TRIM49B: variants seen among roughly 807,000 people sequenced by gnomAD.
TRIM49B encodes the protein tripartite motif containing 49B.
In TRIM49B, 18 loss-of-function variants were observed where a neutral mutation model predicts 31.8. The observed-to-expected ratio is 0.57, with a 90% CI of 0.39 to 0.84. The LOEUF is 0.84. TRIM49B is among the 40% of genes least tolerant of loss of function. The pLI is 0.00. For synonymous variants in TRIM49B, 196 were observed against 180.6 expected, an observed-to-expected ratio of 1.09 and a Z score of -0.68; for missense variants, 494 against 538.7, an observed-to-expected ratio of 0.92 and a Z score of 0.82.
chr11:49,035,549 CG>C (rs1424456875), intron 5 of TRIM49B, among the ~76,000 whole-genome samples: 1 of 151,524 alleles, frequency 6.6e-6, no homozygotes, highest in Non-Finnish European at 1.5e-5. Context: ...TTAGTAGAGA[CG>C]GGGTTCACCA....
chr11:49,037,487 C>T lies in TRIM49B; in HGVS notation c.869C>T (p.Thr290Ile). ...DRLNQFRVHI[T>I]LHHEEANSDI... is the part of the protein sequence containing the mutation. ...TCTCTTTTTTTTGCAGTGCATATTA[C>T]TCTGCATCATGAAGAAGCCAACAGT... Residue 290 changes from threonine to isoleucine, a missense_variant, in exon 7 of 7, where the codon ACT becomes ATT. Transcript: ENST00000332682. 1 of 1,613,884 alleles carries T rather than the reference C, an allele frequency of 6.2e-7. No individual in the cohort carries two copies. The highest frequency in any genetic ancestry group is 8.5e-7 in the Non-Finnish European group (1 of 1,179,900).
At chr11:49,031,559 C>T (rs750513454) in intron 1 of TRIM49B, 37 bp from the exon 2 acceptor site, 3 of 1,608,576 alleles carry the variant, frequency 1.9e-6, no homozygotes, top group Admixed American at 1.7e-5. Context: ...TTCATCAACC[C>T]AGGCCCCAAA....
chr11:49,035,453 G>A (rs1004239764), intron 5 of TRIM49B, among the ~76,000 whole-genome samples: 6 of 139,228 alleles, frequency 4.3e-5, no homozygotes, highest in East Asian at 4.7e-4. Flanking sequence ...TCCGCCTCCC[G>A]GGTTCACACC....
In TRIM49B at chr11:49,035,077, T is replaced by TTG; in HGVS notation, c.739-17_739-16insGT. ...CTTGTGAAATGCACTAAATCTCTCT[T>TTG]TTTTTTTTTTTTTTCAGGCTTTTGG... On this transcript the variant is annotated splice_polypyrimidine_tract_variant and intron_variant, in intron 4 of 6. Transcript: ENST00000332682. 2.2e-6 allele frequency: 2 copies of TTG among 905,460 alleles called. No homozygotes were observed. Among genetic ancestry groups the TTG allele is most frequent in the Non-Finnish European group, 3.0e-6 (2 of 658,958 alleles). 56.1% of individuals were successfully genotyped at this position (905,460 alleles called of 1,614,324 possible).
At position 49,032,341 on chromosome 11, in the gene TRIM49B, T is replaced by C; in HGVS notation, c.477T>C (p.Asn159=). 2 of 1,613,308 alleles carry C rather than the reference T, an allele frequency of 1.2e-6. No individual in the cohort carries two copies. Among genetic ancestry groups the C allele is most frequent in the East Asian group, 2.2e-5 (1 of 44,832 alleles). The part of the protein sequence containing the change: ...EKACENHRNL[N]VETTRTRCWK... ...CTTGTGAAAATCACAGAAACCTGAATGTGGAAACCACCAGAACCAGATGCT... is the reference window on the plus strand; with the variant it reads ...CTTGTGAAAATCACAGAAACCTGAACGTGGAAACCACCAGAACCAGATGCT... Residue 159 remains asparagine (N), a synonymous_variant, in exon 3 of 7, where the codon AAT becomes AAC. Coordinates refer to ENST00000332682, the MANE Select transcript of TRIM49B (RefSeq NM_001206626.2).
In TRIM49B at chr11:49,031,651, T is replaced by C. The variant is rs750561410; in HGVS notation, c.52T>C (p.Cys18Arg). 3 of 1,614,000 alleles carry C rather than the reference T, an allele frequency of 1.9e-6. No homozygotes were observed. The East Asian group carries it at 6.7e-5, about 36-fold the overall frequency. Residue 18 changes from cysteine (C) to arginine (R), a missense_variant, in exon 2 of 7, where the codon TGC becomes CGC. Around this residue, in one of 3 missense-constraint regions of TRIM49B, gnomAD observed 251 missense variants for 232.8 expected, o/e 1.08. Transcript: ENST00000332682. ...TCAGAGGGAACTCATCTGCCCCATC[T>C]GCATGAACTACTTCATAGACCCGGT... ...VFQRELICPI[C>R]MNYFIDPVTI...
At chr11:49,029,482 A>G (rs576950237) in intron 1 of TRIM49B, among the ~76,000 whole-genome samples, 70 of 152,368 alleles carry the variant, frequency 4.6e-4, no homozygotes, top group African/African-American at 1.7e-3. Flanking sequence ...AAGTAAATTT[A>G]TAATACCTAA....
Position 49,037,937 on chromosome 11 carries a change from C to T in TRIM49B, c.1319C>T (p.Ser440Leu). The T allele has an allele frequency of 1.9e-6, 3 of 1,612,844 alleles. No homozygotes were observed. The highest frequency in any genetic ancestry group is 1.7e-6 in the Non-Finnish European group (2 of 1,179,478). Residue 440 changes from serine (S) to leucine (L), a missense_variant, in exon 7 of 7, where the codon TCA (serine) becomes TTA (leucine). Around this residue, in one of 3 missense-constraint regions of TRIM49B, gnomAD observed 233 missense variants for 281.4 expected, o/e 0.83. Transcript: ENST00000332682. ...TACACCATCCCTAATTGCTCTTTCT[C>T]ACCTCCTCTCAGGCCTATCTTTTGC... is the stretch of plus-strand genomic sequence containing the variant. ...LIYTIPNCSF[S>L]PPLRPIFCCI...
rs1460189768 is a variant in TRIM49B, at chr11:49,031,832, G to A, written c.233G>A (p.Arg78Lys). The change falls in exon 2 of 7, where the codon AGA becomes AAA. Residue 78 changes from arginine to lysine, a missense_variant. Arg to Lys is a conservative substitution (Grantham distance 26). Around this residue, in one of 3 missense-constraint regions of TRIM49B, gnomAD observed 251 missense variants for 232.8 expected, o/e 1.08. Coordinates refer to ENST00000332682, the MANE Select transcript of TRIM49B (RefSeq NM_001206626.2). ...IHFKKMASLA[R>K]KVSLWLFLSS... ...TTCAAGAAGATGGCTTCTCTTGCTA[G>A]AAAAGTCAGTCTCTGGCTATTCCTG... The A allele has an allele frequency of 1.2e-6, 2 of 1,613,974 alleles. No individual in the cohort carries two copies. The highest frequency in any genetic ancestry group is 1.7e-6 in the Non-Finnish European group (2 of 1,179,874).
intron 2 of TRIM49B, 51 bp from the exon 3 acceptor site, chr11:49,032,225 C>G: frequency 6.8e-7 from 1 of 1,462,100 alleles, no homozygotes; most frequent in South Asian, 1.2e-5. Context: ...TCTGGGGCCC[C>G]TCCCTATGTC....
At position 49,038,057 on chromosome 11, in the gene TRIM49B, T is replaced by A. The variant is rs575415542; in HGVS notation, c.*80T>A. 1 of 1,565,940 alleles carries A rather than the reference T, an allele frequency of 6.4e-7. No homozygotes were observed. Among genetic ancestry groups the A allele is most frequent in the East Asian group, 2.2e-5 (1 of 44,746 alleles). ...AAGTCCTCTTCCTTGTGCCTTAACA[T>A]ACAGGACAAATAGGCTCTATTTTAT... On this transcript the variant is annotated 3_prime_UTR_variant, in exon 7 of 7. Transcript: ENST00000332682.
chr11:49,038,029 AG>A lies in TRIM49B; in HGVS notation c.*54del, dbSNP rs1854558367. 3.7e-5 allele frequency: 59 copies of A among 1,577,560 alleles called. No homozygotes were observed. The highest frequency in any genetic ancestry group is 5.1e-5 in the Non-Finnish European group (59 of 1,165,594). On this transcript the variant is annotated 3_prime_UTR_variant, in exon 7 of 7. Transcript: ENST00000332682. The stretch of plus-strand genomic sequence containing the variant: ...CATGCTGTGGGAACCCCTTTATCCC[AG>A]GAAGTCCTCTTCCTTGTGCCTTAAC...
chr11:49,035,073 C>G (rs28392507), intron 4 of TRIM49B, 22 bp from the exon 5 acceptor site: 3 of 1,478,890 alleles, frequency 2.0e-6, no homozygotes, highest in Non-Finnish European at 2.7e-6. Context: ...CACTAAATCT[C>G]TCTTTTTTTT....
At position 49,034,172 on chromosome 11, in the gene TRIM49B, A is replaced by G; in HGVS notation, c.534A>G (p.Ala178=). 1 of 1,611,952 alleles carries G rather than the reference A, an allele frequency of 6.2e-7. No individual in the cohort carries two copies. The highest frequency in any genetic ancestry group is 8.5e-7 in the Non-Finnish European group (1 of 1,179,798). Residue 178 remains alanine (A), a synonymous_variant, in exon 4 of 7, where the codon GCA becomes GCG. Coordinates refer to ENST00000332682, the MANE Select transcript of TRIM49B (RefSeq NM_001206626.2). ...WKDYVNLRLE[A]IRAEYQKMPA... is the part of the protein sequence containing the mutation. Reference sequence around the variant, plus strand: ...ATTATGTGAATTTAAGGCTAGAAGCAATTAGAGCTGAGTATCAGAAGATGC... The same window carrying G: ...ATTATGTGAATTTAAGGCTAGAAGCGATTAGAGCTGAGTATCAGAAGATGC...
intron 1 of TRIM49B, among the ~76,000 whole-genome samples, chr11:49,030,330 C>CTA (rs1443655263): frequency 7.5e-6 from 1 of 133,504 alleles, no homozygotes; most frequent in Non-Finnish European, 1.6e-5. Flanking sequence ...GAAGGATACT[C>CTA]TGTCTCAAAA....
intron 3 of TRIM49B, among the ~76,000 whole-genome samples, chr11:49,033,104 G>A (rs374336160): frequency 2.0e-5 from 3 of 152,104 alleles, no homozygotes; most frequent in Non-Finnish European, 2.9e-5. Context: ...CCTAGTCTAC[G>A]TTGAATATTA....
chr11:49,030,092 G>A (rs1196998111), intron 1 of TRIM49B, among the ~76,000 whole-genome samples: 1 of 152,160 alleles, frequency 6.6e-6, no homozygotes, highest in Non-Finnish European at 1.5e-5. Context: ...CCAGCACTTT[G>A]GAAAGCCAAA....
Position 49,035,339 on chromosome 11 carries a change from A to ATTTTTTTTTTTTTTTTTTTTTTT in TRIM49B, c.761+238_761+260dup, listed in dbSNP as rs1162056301. Among the ~76,000 whole-genome samples the ATTTTTTTTTTTTTTTTTTTTTTT allele has an allele frequency of 2.1e-4, 12 of 56,810 alleles. 3 individuals are homozygous for ATTTTTTTTTTTTTTTTTTTTTTT. The highest frequency in any genetic ancestry group is 5.2e-4 in the African/African-American group (7 of 13,462). 37.3% of individuals were successfully genotyped at this position (56,810 alleles called of 152,430 possible). A position where few individuals can be genotyped will look rare whatever the true frequency, so the allele number is the denominator to read the frequency against. The stretch of plus-strand genomic sequence containing the variant: ...ACTAAAACAAACAATTTGATTCCTG[A>ATTTTTTTTTTTTTTTTTTTTTTT]TTTTTTTTTTTTTTTTTTTTTTTTT... On this transcript the variant is annotated intron_variant, in intron 5 of 6. Transcript: ENST00000332682.
At chr11:49,031,554 C>G (rs1241019581) in intron 1 of TRIM49B, 42 bp from the exon 2 acceptor site, 10 of 1,602,160 alleles carry the variant, frequency 6.2e-6, no homozygotes, top group Non-Finnish European at 8.5e-6. Context: ...AGCTTTTCAT[C>G]AACCCAGGCC....
Sources: allele counts gnomAD v4.1 joint callset (sites outside exome capture counted in the v4.1 genomes callset), GRCh38; gene constraint gnomAD v4.1.1; regional missense constraint gnomAD v4.1.1; transcripts MANE v1.5; gene names NCBI Gene and HGNC (gene_info 2026-07-23, HGNC 2026-07-21).